PIP4K2A: variants seen among roughly 807,000 people sequenced by gnomAD.
PIP4K2A encodes the protein phosphatidylinositol-5-phosphate 4-kinase type 2 alpha.
PIP4K2A carries 14 observed loss-of-function variants against 42.9 expected under a neutral mutation model. The ratio of observed to expected loss-of-function variants is 0.33; its 90% CI spans 0.22 to 0.51. PIP4K2A has a LOEUF of 0.51. Among genes scored for constraint, PIP4K2A ranks in the 20% least tolerant of loss-of-function variants. The pLI is 0.97. For synonymous variants in PIP4K2A, 192 were observed against 192.2 expected (o/e 1.00, Z 0.01); for missense variants, 434 against 519.8 (o/e 0.83, Z 1.61).
chr10:22,608,593 G>C (rs1456818669), intron 2 of PIP4K2A, among the ~76,000 whole-genome samples: 2 of 152,162 alleles, frequency 1.3e-5, no homozygotes, highest in Non-Finnish European at 2.9e-5. Context: ...GGCCTGGCAT[G>C]GTGGCTTACA....
intron 4 of PIP4K2A, among the ~76,000 whole-genome samples, chr10:22,586,607 T>A (rs1371954922): frequency 1.3e-5 from 2 of 152,198 alleles, no homozygotes; most frequent in African/African-American, 4.8e-5. Context: ...CTCGGCTCAC[T>A]GCAACCTCCA....
intron 7 of PIP4K2A, among the ~76,000 whole-genome samples, chr10:22,542,698 CTG>C (rs1021608682): frequency 1.1e-4 from 17 of 152,370 alleles, no homozygotes; most frequent in African/African-American, 3.8e-4. Flanking sequence ...AGACCCAGCT[CTG>C]TGTGTTTGGC....
intron 2 of PIP4K2A, among the ~76,000 whole-genome samples, chr10:22,609,395 A>G (rs1405724423): frequency 6.6e-6 from 1 of 152,256 alleles, no homozygotes; most frequent in African/African-American, 2.4e-5. Context: ...CTTTCAACGT[A>G]TAAGATATTC....
chr10:22,687,646 A>G (rs1839790158), intron 1 of PIP4K2A, among the ~76,000 whole-genome samples: 1 of 152,142 alleles, frequency 6.6e-6, no homozygotes, highest in African/African-American at 2.4e-5. Context: ...ATCCCTCAGG[A>G]CACCAAAATC....
chr10:22,609,595 T>TA (rs755328779), intron 2 of PIP4K2A, 25 bp downstream of exon 2: 3 of 1,317,870 alleles, frequency 2.3e-6, no homozygotes, highest in Non-Finnish European at 2.2e-6. Flanking sequence ...ACGCTAGTCT[T>TA]ATGAAAGGTC....
At chr10:22,691,987 C>T (rs1409367528) in intron 1 of PIP4K2A, among the ~76,000 whole-genome samples, 1 of 152,098 alleles carries the variant, frequency 6.6e-6, no homozygotes, top group Non-Finnish European at 1.5e-5. Flanking sequence ...TTTCCAGGGA[C>T]TGGGGTGGTG....
At chr10:22,650,019 G>A (rs1169532097) in intron 1 of PIP4K2A, among the ~76,000 whole-genome samples, 1 of 152,084 alleles carries the variant, frequency 6.6e-6, no homozygotes, top group Non-Finnish European at 1.5e-5. Context: ...AACTCCTTGG[G>A]GACAGGGACT....
intron 3 of PIP4K2A, among the ~76,000 whole-genome samples, chr10:22,603,333 T>C (rs1267146465): frequency 2.0e-5 from 3 of 152,130 alleles, no homozygotes; most frequent in Non-Finnish European, 4.4e-5. Flanking sequence ...TGCATAACTT[T>C]TTGGTTTCTG....
chr10:22,619,410 C>CATCAAT (rs1434487821), intron 1 of PIP4K2A, among the ~76,000 whole-genome samples: 3 of 151,048 alleles, frequency 2.0e-5, no homozygotes, highest in African/African-American at 7.3e-5. Flanking sequence ...ACAGCTGCTT[C>CATCAAT]ATCAATATTC....
intron 1 of PIP4K2A, among the ~76,000 whole-genome samples, chr10:22,680,161 T>C (rs767914918): frequency 6.6e-6 from 1 of 152,116 alleles, no homozygotes; most frequent in Non-Finnish European, 1.5e-5. Context: ...TGCACTACTT[T>C]TGAATTATGT....
At chr10:22,689,576 T>C (rs1356022282) in intron 1 of PIP4K2A, among the ~76,000 whole-genome samples, 1 of 152,154 alleles carries the variant, frequency 6.6e-6, no homozygotes, top group East Asian at 1.9e-4. Context: ...ACAGTATAAA[T>C]GCAAACATCA....
chr10:22,680,505 A>C (rs899649857), intron 1 of PIP4K2A, among the ~76,000 whole-genome samples: 1 of 152,196 alleles, frequency 6.6e-6, no homozygotes, highest in Non-Finnish European at 1.5e-5. Context: ...ATTTAACTAC[A>C]TTCTTTACTA....
chr10:22,663,549 G>A (rs988985918), intron 1 of PIP4K2A, among the ~76,000 whole-genome samples: 1 of 152,012 alleles, frequency 6.6e-6, no homozygotes, highest in African/African-American at 2.4e-5. Flanking sequence ...TATGTAGGTA[G>A]CATATTTCAT....
chr10:22,696,349 G>A (rs952189122), intron 1 of PIP4K2A, among the ~76,000 whole-genome samples: 5 of 152,270 alleles, frequency 3.3e-5, no homozygotes, highest in Non-Finnish European at 5.9e-5. Flanking sequence ...TAGCTGAGCC[G>A]ATTACTTTAG....
chr10:22,591,313 A>C (rs1314155062), intron 4 of PIP4K2A, among the ~76,000 whole-genome samples: 1 of 152,238 alleles, frequency 6.6e-6, no homozygotes, highest in African/African-American at 2.4e-5. Context: ...CACAGGCAAA[A>C]ACTTCTGCAA....
At position 22,572,020 on chromosome 10, in the gene PIP4K2A, A is replaced by G. The variant is rs1280230023; in HGVS notation, c.639+1291T>C. Among the ~76,000 whole-genome samples the G allele has an allele frequency of 3.9e-5, 6 of 152,252 alleles. No individual in the cohort carries two copies. In the East Asian group the frequency reaches 7.7e-4, roughly 20 times the overall value. Reference sequence around the variant, plus strand: ...ATTTTTAAAGAAACTACATATTCTAATATTTCTTATATTAATTTTTAATAC... The same window carrying G: ...ATTTTTAAAGAAACTACATATTCTAGTATTTCTTATATTAATTTTTAATAC... On this transcript the variant is annotated intron_variant, in intron 5 of 9. Transcript: ENST00000376573.
At chr10:22,570,121 T>G (rs1265513392) in intron 5 of PIP4K2A, among the ~76,000 whole-genome samples, 1 of 152,118 alleles carries the variant, frequency 6.6e-6, no homozygotes, top group Non-Finnish European at 1.5e-5. Context: ...ATACTTGCCC[T>G]TGAGGCACTT....
At chr10:22,644,510 G>A (rs917103864) in intron 1 of PIP4K2A, among the ~76,000 whole-genome samples, 2 of 152,124 alleles carry the variant, frequency 1.3e-5, no homozygotes, top group Non-Finnish European at 2.9e-5. Flanking sequence ...GTTTGCCCAT[G>A]GCTAGTCCGT....
chr10:22,700,060 T>C (rs1204295442), intron 1 of PIP4K2A, among the ~76,000 whole-genome samples: 3 of 152,154 alleles, frequency 2.0e-5, no homozygotes, highest in Non-Finnish European at 4.4e-5. Context: ...AACCCTGAAA[T>C]GAGTACTTCT....
Sources: allele counts gnomAD v4.1 joint callset (sites outside exome capture counted in the v4.1 genomes callset), GRCh38; gene constraint gnomAD v4.1.1; transcripts MANE v1.5; gene names NCBI Gene and HGNC (gene_info 2026-07-23, HGNC 2026-07-21).